The following PLCB1 variants were observed in gnomAD, a reference collection of about 807,000 sequenced individuals.
PLCB1 encodes 1-phosphatidylinositol 4,5-bisphosphate phosphodiesterase beta-1.
In PLCB1, 46 loss-of-function variants were observed where a neutral mutation model predicts 161.8. The observed-to-expected ratio is 0.28, with a 90% CI of 0.22 to 0.36. The LOEUF is 0.36. Ranked by LOEUF, PLCB1 falls within the 10% of genes least tolerant of loss-of-function variation. The pLI is 1.00. For missense variants in PLCB1, 1,016 were observed against 1,472.5 expected (o/e 0.69, Z 5.07); for synonymous variants, 517 against 503.7 (o/e 1.03, Z -0.35).
At chr20:8,336,926 A>C (rs1024420998) in intron 2 of PLCB1, among the ~76,000 whole-genome samples, 2 of 152,042 alleles carry the variant, frequency 1.3e-5, no homozygotes, top group Non-Finnish European at 2.9e-5. Context: ...TTAATGTTCA[A>C]AACAAATATT....
chr20:8,334,052 A>C (rs1985468029), intron 2 of PLCB1, among the ~76,000 whole-genome samples: 1 of 152,144 alleles, frequency 6.6e-6, no homozygotes, highest in Non-Finnish European at 1.5e-5. Context: ...TCTACTAAAA[A>C]TACAAAATTG....
intron 2 of PLCB1, among the ~76,000 whole-genome samples, chr20:8,251,454 T>A (rs946166622): frequency 2.6e-5 from 4 of 151,850 alleles, no homozygotes; most frequent in Non-Finnish European, 5.9e-5. Flanking sequence ...AGGAGAGGTC[T>A]TTCAAAGCAG....
chr20:8,628,245 G>T (rs780497994), intron 3 of PLCB1, 49 bp from the exon 4 acceptor site: 6 of 1,396,592 alleles, frequency 4.3e-6, no homozygotes, highest in Non-Finnish European at 5.1e-6. Flanking sequence ...ATGCTATCAC[G>T]TTGGAATCTC....
chr20:8,638,146 G>A (rs1253795544), intron 4 of PLCB1, among the ~76,000 whole-genome samples: 2 of 152,084 alleles, frequency 1.3e-5, no homozygotes, highest in South Asian at 2.1e-4. Flanking sequence ...CGCCCACCTC[G>A]GCCTCCCAAA....
chr20:8,553,128 A>G (rs1985828546), intron 3 of PLCB1, among the ~76,000 whole-genome samples: 1 of 152,170 alleles, frequency 6.6e-6, no homozygotes, highest in Non-Finnish European at 1.5e-5. Flanking sequence ...CCACAGATAA[A>G]TCAGTTACCA....
rs779138044 is a variant in PLCB1 at position 8,635,766 on chromosome 20, T to C, written c.384+7335T>C. 4.3e-4 allele frequency among the ~76,000 whole-genome samples: 65 copies of C among 152,002 alleles called. 1 individual carries two copies. Among genetic ancestry groups the C allele is most frequent in the Non-Finnish European group, 2.6e-4 (18 of 67,996 alleles). On this transcript the variant is annotated intron_variant, in intron 4 of 31. Transcript: ENST00000338037. ...GAAATTATAGTCTATGGGATAAAGG[T>C]GGGAAATAGAAAAGAAAGAGGGACA...
intron 3 of PLCB1, among the ~76,000 whole-genome samples, chr20:8,386,736 G>A (rs1318969112): frequency 6.6e-6 from 1 of 152,172 alleles, no homozygotes; most frequent in Non-Finnish European, 1.5e-5. Flanking sequence ...TCCAACAGAA[G>A]GCTGTTTTGT....
chr20:8,262,672 T>A (rs954069899), intron 2 of PLCB1, among the ~76,000 whole-genome samples: 2 of 152,204 alleles, frequency 1.3e-5, no homozygotes, highest in African/African-American at 4.8e-5. Flanking sequence ...CAGGCTGCTA[T>A]AACAAAATAT....
At chr20:8,453,816 TGGA>T (rs765919905) in intron 3 of PLCB1, among the ~76,000 whole-genome samples, 1 of 152,222 alleles carries the variant, frequency 6.6e-6, no homozygotes, top group Non-Finnish European at 1.5e-5. Context: ...ACCTCTGTTA[TGGA>T]CTAAGTTGTA....
At chr20:8,278,575 A>G (rs1982711309) in intron 2 of PLCB1, among the ~76,000 whole-genome samples, 1 of 151,912 alleles carries the variant, frequency 6.6e-6, no homozygotes, top group African/African-American at 2.4e-5. Context: ...AGGATATCAA[A>G]CAGCCAATAA....
chr20:8,550,860 CCTCT>C (rs1246790240), intron 3 of PLCB1, among the ~76,000 whole-genome samples: 3 of 151,926 alleles, frequency 2.0e-5, no homozygotes, highest in African/African-American at 7.3e-5. Context: ...GCTCTTGTAC[CCTCT>C]CTCTCTTTTT....
intron 2 of PLCB1, among the ~76,000 whole-genome samples, chr20:8,217,289 A>T (rs1979185086): frequency 6.6e-6 from 1 of 152,170 alleles, no homozygotes; most frequent in Non-Finnish European, 1.5e-5. Flanking sequence ...GTGCAGTGAA[A>T]CCATGGGGTC....
At chr20:8,186,572 G>A (rs1015210200) in intron 2 of PLCB1, among the ~76,000 whole-genome samples, 2 of 152,136 alleles carry the variant, frequency 1.3e-5, no homozygotes, top group Admixed American at 6.6e-5. Flanking sequence ...GTTTGCCCCC[G>A]TGATGCTTGT....
chr20:8,593,675 T>A (rs1425760495), intron 3 of PLCB1, among the ~76,000 whole-genome samples: 1 of 152,036 alleles, frequency 6.6e-6, no homozygotes, highest in Non-Finnish European at 1.5e-5. Flanking sequence ...TTTAATGGGG[T>A]GAGGGAGGTG....
At chr20:8,275,383 T>G (rs1244838120) in intron 2 of PLCB1, among the ~76,000 whole-genome samples, 1 of 152,060 alleles carries the variant, frequency 6.6e-6, no homozygotes, top group African/African-American at 2.4e-5. Flanking sequence ...TGTTTCCTAT[T>G]GTCCTCAGTG....
intron 9 of PLCB1, among the ~76,000 whole-genome samples, chr20:8,683,914 C>T (rs547542595): frequency 1.2e-4 from 18 of 150,930 alleles, no homozygotes; most frequent in African/African-American, 2.4e-4. Flanking sequence ...GACAGAGTCT[C>T]GCTCTGTCAC....
rs763276609 is a variant in PLCB1, at chr20:8,132,762, G to C, written c.99+12G>C. ...TCAAGTGGGATGATGTAAGTATTGG[G>C]GCGGCCCGAGTCGGGGCGCTGGCTC... On this transcript the variant is annotated intron_variant, in intron 1 of 31. Transcript: ENST00000338037. This position sits in a 1 kb window ranked among gnomAD's most constrained non-coding sequence, Gnocchi z 5.2. 17 of 1,591,998 alleles carry C rather than the reference G, an allele frequency of 1.1e-5. No individual in the cohort carries two copies. In the Admixed American group the frequency reaches 2.5e-4, roughly 24 times the overall value.
At chr20:8,600,781 G>A (rs1987549459) in intron 3 of PLCB1, 1 of 151,850 alleles carries the variant, frequency 6.6e-6, no homozygotes. Context: ...CTCCGAGCCA[G>A]GTAAGGGATG....
chr20:8,671,190 T>C (rs987450018), intron 9 of PLCB1, among the ~76,000 whole-genome samples: 18 of 152,190 alleles, frequency 1.2e-4, no homozygotes, highest in Admixed American at 3.9e-4. Flanking sequence ...TCTACGTGGA[T>C]TTATGGGCCA....
Sources: allele counts gnomAD v4.1 joint callset (sites outside exome capture counted in the v4.1 genomes callset), GRCh38; gene constraint gnomAD v4.1.1; non-coding constraint Gnocchi (gnomAD v3.1); transcripts MANE v1.5; gene names NCBI Gene and HGNC (gene_info 2026-07-23, HGNC 2026-07-21).